Variants in COL10A1 observed in about 807,000 individuals in gnomAD.
COL10A1 encodes the protein collagen alpha-1(X) chain.
A neutral mutation model predicts 18.2 loss-of-function variants in COL10A1; 10 were observed. The observed-to-expected ratio is 0.55, with a 90% CI of 0.34 to 0.93. The LOEUF is 0.93. Ranked by LOEUF, COL10A1 falls within the 40% of genes least tolerant of loss-of-function variation. The pLI, the probability that COL10A1 is intolerant of heterozygous loss-of-function variation, is 0.02. For missense variants in COL10A1, 897 were observed against 853.5 expected (o/e 1.05, Z -0.64); for synonymous variants, 330 against 316.6 (o/e 1.04, Z -0.45).
chr6:116,199,692 G>T, the COL10A1 span, among the ~76,000 whole-genome samples: 5 of 152,004 alleles, frequency 3.3e-5, no homozygotes, highest in Non-Finnish European at 7.4e-5. Flanking sequence ...AATGATGGAG[G>T]TGTGTAAAAG....
chr6:116,120,260 G>C lies in COL10A1; in HGVS notation c.1856C>G (p.Thr619Ser), dbSNP rs770382060. The change falls in exon 3 of 3, where the codon ACC becomes AGC. Residue 619 changes from threonine to serine, a missense_variant. Transcript: ENST00000651968. ...TTCATCATAGGTGTACATTACAGGG[G>C]TGCCATTCTTATACAGGCCTACCCA... ...HVWVGLYKNGTPVMYTYDEYT... is the reference protein window; with the variant it reads ...HVWVGLYKNGSPVMYTYDEYT... 6.2e-7 allele frequency: 1 copy of C among 1,614,184 alleles called. No individual in the cohort carries two copies. The highest frequency in any genetic ancestry group is 8.5e-7 in the Non-Finnish European group (1 of 1,180,022).
chr6:116,182,204 GAGT>G, the COL10A1 span, among the ~76,000 whole-genome samples: 1 of 132,084 alleles, frequency 7.6e-6, no homozygotes, highest in Non-Finnish European at 1.6e-5. Context: ...TTTTATGGCT[GAGT>G]AGTATTCCAT....
upstream of COL10A1, among the ~76,000 whole-genome samples, chr6:116,163,141 A>AAAAAAAAAATATAT (rs761718922): frequency 1.2e-4 from 11 of 88,408 alleles, no homozygotes; most frequent in African/African-American, 5.2e-4. Flanking sequence ...AAAAAAAAAA[A>AAAAAAAAAATATAT]ATATATATAT....
At chr6:116,163,141 A>ATATATAT (rs1554197064), upstream of COL10A1, among the ~76,000 whole-genome samples, 1,130 of 88,258 alleles carry the variant, frequency 0.013, 43 homozygotes, top group African/African-American at 0.057. Flanking sequence ...AAAAAAAAAA[A>ATATATAT]ATATATATAT....
chr6:116,148,834 A>G (rs1159997564), intron 1 of COL10A1, among the ~76,000 whole-genome samples: 2 of 152,210 alleles, frequency 1.3e-5, no homozygotes, highest in East Asian at 1.9e-4. Flanking sequence ...CTATAAGTCA[A>G]AAGTAAAGCA....
upstream of COL10A1, among the ~76,000 whole-genome samples, chr6:116,161,268 C>A (rs1357090540): frequency 6.6e-6 from 1 of 151,098 alleles, no homozygotes; most frequent in African/African-American, 2.4e-5. Flanking sequence ...GTACAGTGCA[C>A]CAGCATGGCA....
chr6:116,148,586 A>C (rs754891637), intron 1 of COL10A1, among the ~76,000 whole-genome samples: 1 of 152,192 alleles, frequency 6.6e-6, no homozygotes, highest in Non-Finnish European at 1.5e-5. Context: ...TATTACTATG[A>C]TAACAGTTTA....
the COL10A1 span, among the ~76,000 whole-genome samples, chr6:116,208,424 C>T: frequency 6.6e-6 from 1 of 152,002 alleles, no homozygotes; most frequent in African/African-American, 2.4e-5. Context: ...CAGTGTATCT[C>T]TTTGAAGCTA....
At chr6:116,172,221 GTA>G in the COL10A1 span, among the ~76,000 whole-genome samples, 1 of 150,106 alleles carries the variant, frequency 6.7e-6, no homozygotes. Flanking sequence ...CTTTTACATA[GTA>G]TATAATAAGT....
chr6:116,123,398 T>A, intron 2 of COL10A1, among the ~76,000 whole-genome samples: 1 of 152,202 alleles, frequency 6.6e-6, no homozygotes, highest in East Asian at 1.9e-4. Flanking sequence ...TTTTCTTCAT[T>A]CAAGATTAGG....
At chr6:116,149,302 C>A (rs1345467128) in intron 1 of COL10A1, among the ~76,000 whole-genome samples, 1 of 152,204 alleles carries the variant, frequency 6.6e-6, no homozygotes, top group Non-Finnish European at 1.5e-5. Context: ...GTTTTCATCA[C>A]TGCAAAATTT....
At chr6:116,145,714 ATAGT>A (rs1582833008) in intron 1 of COL10A1, among the ~76,000 whole-genome samples, 1 of 152,300 alleles carries the variant, frequency 6.6e-6, no homozygotes, top group East Asian at 1.9e-4. Context: ...AAAATAAAAA[ATAGT>A]TTGTTTCATT....
chr6:116,127,587 G>A (rs1392966873), upstream of COL10A1, among the ~76,000 whole-genome samples: 5 of 152,254 alleles, frequency 3.3e-5, no homozygotes, highest in South Asian at 8.3e-4. Context: ...ATAAGTGAGA[G>A]AAAACACCTG....
intron 1 of COL10A1, among the ~76,000 whole-genome samples, chr6:116,156,492 G>C (rs917511784): frequency 6.6e-6 from 1 of 152,168 alleles, no homozygotes; most frequent in African/African-American, 2.4e-5. Flanking sequence ...ATAGTGCAAA[G>C]TAAAAAGGAA....
intron 1 of COL10A1, among the ~76,000 whole-genome samples, chr6:116,132,255 T>C (rs762893017): frequency 1.3e-5 from 2 of 152,192 alleles, no homozygotes; most frequent in Non-Finnish European, 2.9e-5. Flanking sequence ...TGTTGAACTT[T>C]TTAATTTTTG....
the COL10A1 span, among the ~76,000 whole-genome samples, chr6:116,164,408 C>G: frequency 6.6e-6 from 1 of 152,070 alleles, no homozygotes; most frequent in Non-Finnish European, 1.5e-5. Context: ...ATAGCAACCC[C>G]TGGTCTTTTT....
In COL10A1 at chr6:116,120,112, G is replaced by T; in HGVS notation, c.2004C>A (p.Val668=). 5 of 1,614,082 alleles carry T rather than the reference G, an allele frequency of 3.1e-6. No individual in the cohort carries two copies. The highest frequency in any genetic ancestry group is 4.2e-6 in the Non-Finnish European group (5 of 1,180,016). Residue 668 remains valine, a synonymous_variant, in exon 3 of 3, where the codon GTC becomes GTA. Transcript: ENST00000651968. The part of the protein sequence containing the change: ...ESNGLYSSEY[V]HSSFSGFLVA... ...CTAGGAATCCTGAGAAAGAGGAGTG[G>T]ACATACTCAGAGGAGTATAGGCCAT... is the stretch of plus-strand genomic sequence containing the variant.
At chr6:116,161,732 AT>A (rs1373770251), upstream of COL10A1, among the ~76,000 whole-genome samples, 3 of 152,124 alleles carry the variant, frequency 2.0e-5, no homozygotes, top group African/African-American at 7.2e-5. Flanking sequence ...TTCCATATGA[AT>A]TTTATAATTG....
At chr6:116,199,165 A>T in the COL10A1 span, among the ~76,000 whole-genome samples, 1 of 152,090 alleles carries the variant, frequency 6.6e-6, no homozygotes, top group Non-Finnish European at 1.5e-5. Flanking sequence ...GTATAAAAAT[A>T]TCTTTCCATG....
Sources: gnomAD v4.1 joint callset for allele counts (sites outside exome capture counted in the v4.1 genomes callset) on GRCh38, gnomAD v4.1.1 for gene constraint, MANE v1.5 for transcripts, NCBI Gene and HGNC (gene_info 2026-07-23, HGNC 2026-07-21) for gene names.